The following FAT2 variants were observed in gnomAD, a reference collection of about 807,000 sequenced individuals.
FAT2 encodes the protein protocadherin Fat 2.
A neutral mutation model predicts 295.3 loss-of-function variants in FAT2; 150 were observed. That is an observed-to-expected ratio of 0.51 (90% confidence interval 0.44 to 0.58). The LOEUF (loss-of-function observed/expected upper bound fraction) is 0.58, where lower values mean the gene tolerates loss of function less well. FAT2 is among the 20% of genes least tolerant of loss of function. The pLI is 0.00. For synonymous variants in FAT2, 2,026 were observed against 2,150.3 expected, an observed-to-expected ratio of 0.94 and a Z score of 1.60; for missense variants, 4,868 against 5,442.7, an observed-to-expected ratio of 0.89 and a Z score of 3.32.
At chr5:151,578,731 G>T (rs1758834843) in intron 1 of FAT2, among the ~76,000 whole-genome samples, 1 of 152,200 alleles carries the variant, frequency 6.6e-6, no homozygotes, top group South Asian at 2.1e-4. Context: ...TCCATCAGTA[G>T]ATGAATGAAT....
At chr5:151,565,373 T>G (rs1758200434) in intron 2 of FAT2, among the ~76,000 whole-genome samples, 1 of 151,962 alleles carries the variant, frequency 6.6e-6, no homozygotes, top group Non-Finnish European at 1.5e-5. Context: ...TGATGGAACA[T>G]GGGGGAGCAT....
chr5:151,572,970 C>T (rs1758592757), intron 1 of FAT2, among the ~76,000 whole-genome samples: 1 of 152,242 alleles, frequency 6.6e-6, no homozygotes, highest in Admixed American at 6.5e-5. Context: ...TGCACATTTA[C>T]AAGAGGGCAC....
At chr5:151,518,122 G>C (rs940544792) in intron 19 of FAT2, among the ~76,000 whole-genome samples, 6 of 152,088 alleles carry the variant, frequency 3.9e-5, no homozygotes, top group Admixed American at 2.6e-4. Flanking sequence ...CCTGAACCCA[G>C]AAGTTCGAGA....
rs1758658535 is a variant in FAT2, at chr5:151,574,324, C to T, written c.-20-5373G>A. Among the ~76,000 whole-genome samples the T allele has an allele frequency of 2.0e-5, 3 of 152,164 alleles. No homozygotes were observed. In the South Asian group the frequency reaches 6.2e-4, roughly 32 times the overall value. ...ACTGTAATGGATGGGTGATTCCAAA[C>T]CCCTCTAATTGTCCCACCCCTCTGC... On this transcript the variant is annotated intron_variant, in intron 1 of 23. Transcript: ENST00000261800.
rs773063979 is a variant in FAT2 at position 151,537,446 on chromosome 5, A to AG, written c.9193+346dup. On this transcript the variant is annotated intron_variant, in intron 12 of 23. Transcript: ENST00000261800. The stretch of plus-strand genomic sequence containing the variant: ...AGGAAAGGAGAGGAAAGGAGAGGGG[A>AG]GGGGAGGGGAGGGAAGGAAAGGAGA... 2.7e-3 allele frequency among the ~76,000 whole-genome samples: 390 copies of AG among 144,752 alleles called. 2 individuals carry two copies. Among genetic ancestry groups the AG allele is most frequent in the South Asian group, 0.014 (58 of 4,152 alleles). 95.0% of individuals were successfully genotyped at this position (144,752 alleles called of 152,430 possible).
chr5:151,551,976 G>GGTGTGTGT (rs56267278), intron 6 of FAT2, among the ~76,000 whole-genome samples: 3,278 of 143,610 alleles, frequency 0.023, 77 homozygotes, highest in African/African-American at 0.054. Flanking sequence ...TAACCCTAAG[G>GGTGTGTGT]GTGTGTGTGT....
At position 151,512,214 on chromosome 5, in the gene FAT2, G is replaced by A. The variant is rs543503742; in HGVS notation, c.11856C>T (p.Ser3952=). 2 of 1,614,210 alleles carry A rather than the reference G, an allele frequency of 1.2e-6. No homozygotes were observed. Among genetic ancestry groups the A allele is most frequent in the African/African-American group, 1.3e-5 (1 of 75,044 alleles). Residue 3952 remains serine, a synonymous_variant, in exon 21 of 24, where the codon AGC becomes AGT. Coordinates refer to ENST00000261800, the MANE Select transcript of FAT2 (RefSeq NM_001447.3). The surrounding 1 kb of genome is among the most constrained non-coding windows in gnomAD (Gnocchi z 4.1). The part of the protein sequence containing the change: ...TQCCLHSDYC[S]QNTCLNGGKC... ...TCCCACCATTGAGGCATGTGTTCTGGCTGCAGTAGTCACTGTGGAGGCAGC... is the reference window on the plus strand; with the variant it reads ...TCCCACCATTGAGGCATGTGTTCTGACTGCAGTAGTCACTGTGGAGGCAGC...
In FAT2 at chr5:151,528,082, G is replaced by A. The variant is rs1348811688; in HGVS notation, c.10078C>T (p.Leu3360Phe). 1 of 1,614,196 alleles carries A rather than the reference G, an allele frequency of 6.2e-7. No homozygotes were observed. Among genetic ancestry groups the A allele is most frequent in the Non-Finnish European group, 8.5e-7 (1 of 1,180,024 alleles). ...TGCCCAAGCTGGTTCCCTCCTATGA[G>A]GCTATAGGTAATGTCACTATTTAGG... ...GPLNSDITYSLIGGNQLGHFT... is the reference protein window; with the variant it reads ...GPLNSDITYSFIGGNQLGHFT... Residue 3360 changes from leucine (L) to phenylalanine (F), a missense_variant, in exon 16 of 24, where the codon CTC (leucine) becomes TTC (phenylalanine). By Grantham distance (22) the Leu-to-Phe change is conservative. This residue lies in a region of FAT2 where 1,046 missense variants were observed against 1,210.1 expected (regional missense o/e 0.86). Transcript: ENST00000261800.
intron 19 of FAT2, among the ~76,000 whole-genome samples, chr5:151,518,857 C>T (rs1210503744): frequency 1.3e-5 from 2 of 152,190 alleles, no homozygotes; most frequent in Admixed American, 1.3e-4. Flanking sequence ...AAAATATCCA[C>T]CCTCCCCAGA....
Position 151,544,777 on chromosome 5 carries a change from C to A in FAT2, c.6350G>T (p.Arg2117Leu). The A allele has an allele frequency of 6.2e-7, 1 of 1,614,132 alleles. No homozygotes were observed. The highest frequency in any genetic ancestry group is 8.5e-7 in the Non-Finnish European group (1 of 1,180,034). The change falls in exon 10 of 24, where the codon CGA (arginine) becomes CTA (leucine). Residue 2117 changes from arginine to leucine, a missense_variant. Coordinates refer to ENST00000261800, the MANE Select transcript of FAT2 (RefSeq NM_001447.3). Reference sequence around the variant, plus strand: ...TATGTCCCCAAGATAGGGGTCAATTCGGAAATATGTGTAATCTTCTGCAAA... The same window carrying A: ...TATGTCCCCAAGATAGGGGTCAATTAGGAAATATGTGTAATCTTCTGCAAA... ...YEFAEDYTYF[R>L]IDPYLGDISL...
At chr5:151,525,387 A>C (rs1321408895) in intron 18 of FAT2, among the ~76,000 whole-genome samples, 2 of 152,208 alleles carry the variant, frequency 1.3e-5, no homozygotes, top group African/African-American at 2.4e-5. Context: ...TGAGGTTCAG[A>C]GAGCTGTTCT....
intron 4 of FAT2, among the ~76,000 whole-genome samples, chr5:151,555,367 CTTTTTTTT>C (rs912481589): frequency 1.6e-5 from 2 of 123,108 alleles, no homozygotes; most frequent in Non-Finnish European, 3.3e-5. Flanking sequence ...TAATATATTT[CTTTTTTTT>C]TTTTTTTTTT....
At chr5:151,516,668 C>T (rs116273385) in intron 20 of FAT2, among the ~76,000 whole-genome samples, 1 of 152,154 alleles carries the variant, frequency 6.6e-6, no homozygotes, top group African/African-American at 2.4e-5. Flanking sequence ...CCCCATAGAA[C>T]AAAAGCTTTA....
intron 1 of FAT2, among the ~76,000 whole-genome samples, chr5:151,572,495 CTGTT>C (rs1758571372): frequency 6.6e-6 from 1 of 152,194 alleles, no homozygotes; most frequent in Admixed American, 6.5e-5. Flanking sequence ...ATGAATCTGA[CTGTT>C]TGATTTCAAA....
intron 20 of FAT2, among the ~76,000 whole-genome samples, chr5:151,513,506 TA>T: frequency 6.6e-6 from 1 of 152,114 alleles, no homozygotes; most frequent in East Asian, 1.9e-4. Context: ...GGAAATCAAA[TA>T]CCACATGTTC....
Position 151,531,946 on chromosome 5 carries a change from G to C in FAT2, c.9452C>G (p.Ser3151Cys), listed in dbSNP as rs745369585. 4 of 1,614,088 alleles carry C rather than the reference G, an allele frequency of 2.5e-6. No individual in the cohort carries two copies. The highest frequency in any genetic ancestry group is 1.7e-5 in the Admixed American group (1 of 60,014). ...DQGANAQVVYSLPDSAEGHFS... is the reference protein window; with the variant it reads ...DQGANAQVVYCLPDSAEGHFS... The stretch of plus-strand genomic sequence containing the variant: ...GTGGCCTTCGGCTGAATCCGGCAGA[G>C]AGTAAACCACCTGGGCATTGGCGCC... The change falls in exon 14 of 24, where the codon TCT becomes TGT. Residue 3151 changes from serine (S) to cysteine (C), a missense_variant. Ser to Cys is a moderately radical substitution (Grantham distance 112, BLOSUM62 -1). Around this residue, in one of 5 missense-constraint regions of FAT2, gnomAD observed 1,046 missense variants for 1,210.1 expected, o/e 0.86. Transcript: ENST00000261800. This position sits in a 1 kb window ranked among gnomAD's most constrained non-coding sequence, Gnocchi z 5.7.
chr5:151,547,772 C>T (rs1326496011), intron 9 of FAT2, among the ~76,000 whole-genome samples: 1 of 152,070 alleles, frequency 6.6e-6, no homozygotes, highest in East Asian at 1.9e-4. Context: ...AGAAAGAAAT[C>T]AGGGCACAAA....
chr5:151,510,094 G>A lies in FAT2; in HGVS notation c.11986C>T (p.Leu3996=). The A allele has an allele frequency of 6.2e-7, 1 of 1,614,168 alleles. No homozygotes were observed. Among genetic ancestry groups the A allele is most frequent in the African/African-American group, 1.3e-5 (1 of 75,032 alleles). Residue 3996 remains leucine (L), a synonymous_variant, in exon 22 of 24, where the codon CTG becomes TTG. Transcript: ENST00000261800. The part of the protein sequence containing the change: ...GRENCTFAPC[L]EGGTCILSPK... ...GAGAGGATGCAAGTTCCACCTTCCAGGCAGGGTGCAAAAGTACAGTTCTCC... is the reference window on the plus strand; with the variant it reads ...GAGAGGATGCAAGTTCCACCTTCCAAGCAGGGTGCAAAAGTACAGTTCTCC...
chr5:151,579,497 A>G lies in FAT2; in HGVS notation c.-20-10546T>C, dbSNP rs1581470616. Among the ~76,000 whole-genome samples the G allele has an allele frequency of 3.3e-5, 5 of 152,268 alleles. No homozygotes were observed. The South Asian group carries it at 1.0e-3, about 32-fold the overall frequency. Reference sequence around the variant, plus strand: ...TGAGGTGGGAGGATTGCTTGAGCCCAGGAGTTTGAGGCTGCAGTGAACAAT... The same window carrying G: ...TGAGGTGGGAGGATTGCTTGAGCCCGGGAGTTTGAGGCTGCAGTGAACAAT... On this transcript the variant is annotated intron_variant, in intron 1 of 23. Transcript: ENST00000261800.
Sources: gnomAD v4.1 joint callset for allele counts (sites outside exome capture counted in the v4.1 genomes callset) on GRCh38, gnomAD v4.1.1 for gene constraint, gnomAD v4.1.1 regional missense constraint, Gnocchi (gnomAD v3.1) non-coding constraint, MANE v1.5 for transcripts, NCBI Gene and HGNC (gene_info 2026-07-23, HGNC 2026-07-21) for gene names.